Variants in ZBTB41 observed in about 807,000 individuals in gnomAD.
ZBTB41 encodes the protein zinc finger and BTB domain-containing protein 41.
A neutral mutation model predicts 87.6 loss-of-function variants in ZBTB41; 42 were observed. That is an observed-to-expected ratio of 0.48 (90% CI 0.37 to 0.62). The LOEUF is 0.62. ZBTB41 is among the 20% of genes least tolerant of loss of function. The probability of loss-of-function intolerance (pLI) is 0.00; values close to 1 mark genes in which losing one functional copy is unlikely to be tolerated. For synonymous variants in ZBTB41, 364 were observed against 364.0 expected, an observed-to-expected ratio of 1.00 and a Z score of 0.00; for missense variants, 799 against 1,078.9, an observed-to-expected ratio of 0.74 and a Z score of 3.63.
intron 8 of ZBTB41, chr1:197,175,912 A>AAAT (rs1267907218): frequency 6.6e-6 from 1 of 151,882 alleles, no homozygotes; most frequent in African/African-American, 2.4e-5. Context: ...ATTATGTTTA[A>AAAT]AATAATAATA....
At chr1:197,169,984 G>A (rs1311221836) in intron 10 of ZBTB41, among the ~76,000 whole-genome samples, 2 of 151,804 alleles carry the variant, frequency 1.3e-5, no homozygotes, top group Non-Finnish European at 2.9e-5. Context: ...AGTCATAGGA[G>A]AACATAATAA....
chr1:197,159,362 T>C lies in ZBTB41; in HGVS notation c.2727A>G (p.Ser909=). 4 of 1,612,964 alleles carry C rather than the reference T, an allele frequency of 2.5e-6. No individual in the cohort carries two copies. The highest frequency in any genetic ancestry group is 3.4e-6 in the Non-Finnish European group (4 of 1,179,094). The change falls in exon 11 of 11, where the codon TCA becomes TCG. Residue 909 remains serine, a synonymous_variant. Coordinates refer to ENST00000367405, the MANE Select transcript of ZBTB41 (RefSeq NM_194314.3). Reference sequence around the variant, plus strand: ...TCTGTGGAATGTTTAGATTTACTCATGAATGATGCTCATTCGTAGAAATAT... The same window carrying C: ...TCTGTGGAATGTTTAGATTTACTCACGAATGATGCTCATTCGTAGAAATAT... The part of the protein sequence containing the change: ...VQNISTNEHH[S]
chr1:197,167,379 G>C (rs1659373586), intron 10 of ZBTB41, among the ~76,000 whole-genome samples: 1 of 152,066 alleles, frequency 6.6e-6, no homozygotes, highest in South Asian at 2.1e-4. Flanking sequence ...AATTTTTGTA[G>C]AGAAGGGGTT....
At chr1:197,186,467 G>T (rs1343390088) in intron 5 of ZBTB41, among the ~76,000 whole-genome samples, 3 of 152,140 alleles carry the variant, frequency 2.0e-5, no homozygotes, top group Non-Finnish European at 4.4e-5. Flanking sequence ...ATGATGAAAA[G>T]TCACAGATGA....
intron 5 of ZBTB41, among the ~76,000 whole-genome samples, chr1:197,186,148 G>A: frequency 6.6e-6 from 1 of 151,798 alleles, no homozygotes; most frequent in East Asian, 1.9e-4. Context: ...CAACAGAACA[G>A]AATACAGAGC....
At chr1:197,178,543 T>C in intron 6 of ZBTB41, 31 bp from the exon 7 acceptor site, 9 of 1,510,980 alleles carry the variant, frequency 6.0e-6, no homozygotes, top group Non-Finnish European at 8.2e-6. Flanking sequence ...TCGAGATTTT[T>C]TAAATGCCTA....
At position 197,184,303 on chromosome 1, in the gene ZBTB41, G is replaced by C. The variant is rs148655756; in HGVS notation, c.1547-3186C>G. On this transcript the variant is annotated intron_variant, in intron 5 of 10. Coordinates refer to ENST00000367405, the MANE Select transcript of ZBTB41 (RefSeq NM_194314.3). ...GGCAATTTGGAGAGATTAAGCTTCA[G>C]GTAAATAATCTTCCAACATATACTA... Among the ~76,000 whole-genome samples the C allele has an allele frequency of 7.1e-3, 1,075 of 152,228 alleles. 6 individuals carry two copies. Among genetic ancestry groups the C allele is most frequent in the Admixed American group, 0.013 (205 of 15,284 alleles).
At chr1:197,160,574 C>T (rs1002613557) in intron 10 of ZBTB41, among the ~76,000 whole-genome samples, 11 of 152,070 alleles carry the variant, frequency 7.2e-5, no homozygotes, top group African/African-American at 2.7e-4. Flanking sequence ...AGTTGTTCAG[C>T]GGAAAGAACA....
intron 2 of ZBTB41, among the ~76,000 whole-genome samples, chr1:197,193,188 C>T (rs755531961): frequency 6.6e-6 from 1 of 152,062 alleles, no homozygotes; most frequent in African/African-American, 2.4e-5. Context: ...GTTAGTAACA[C>T]TTCATGGGGT....
intron 10 of ZBTB41, among the ~76,000 whole-genome samples, chr1:197,170,763 C>T (rs1571651045): frequency 6.6e-6 from 1 of 152,148 alleles, no homozygotes; most frequent in Non-Finnish European, 1.5e-5. Flanking sequence ...TCTATGGCTG[C>T]TTTCACATCA....
chr1:197,177,472 G>A (rs899586760), intron 7 of ZBTB41, among the ~76,000 whole-genome samples: 4 of 152,016 alleles, frequency 2.6e-5, no homozygotes, highest in Non-Finnish European at 4.4e-5. Context: ...TGTGAAAACA[G>A]ACTAATAGAG....
intron 5 of ZBTB41, among the ~76,000 whole-genome samples, chr1:197,186,260 C>A: frequency 2.1e-5 from 3 of 142,160 alleles, no homozygotes; most frequent in African/African-American, 2.6e-5. Context: ...GGTCCTAGTA[C>A]AAATGGATAT....
At position 197,154,671 on chromosome 1, in the gene ZBTB41, C is replaced by T. The variant is rs1228939409; in HGVS notation, c.*4688G>A. 1.3e-5 allele frequency: 2 copies of T among 152,004 alleles called. No individual in the cohort carries two copies. The highest frequency in any genetic ancestry group is 2.1e-4 in the South Asian group (1 of 4,820). 9.4% of individuals were successfully genotyped at this position (152,004 alleles called of 1,614,324 possible). Reference sequence around the variant, plus strand: ...TTTAGAGGAAATAAGGAGGGGATTCCCTCTACCCTCAAAACAAACAAACAA... The same window carrying T: ...TTTAGAGGAAATAAGGAGGGGATTCTCTCTACCCTCAAAACAAACAAACAA... On this transcript the variant is annotated 3_prime_UTR_variant, in exon 11 of 11. Coordinates refer to ENST00000367405, the MANE Select transcript of ZBTB41 (RefSeq NM_194314.3).
chr1:197,197,875 G>A (rs183648603), intron 2 of ZBTB41, among the ~76,000 whole-genome samples: 63 of 152,254 alleles, frequency 4.1e-4, no homozygotes, highest in East Asian at 1.5e-3. Context: ...GCATGTCACG[G>A]GACTAATGTT....
rs1355539037 is a variant in ZBTB41 at position 197,199,421 on chromosome 1, C to G, written c.1053G>C (p.Val351=). The G allele has an allele frequency of 1.2e-6, 2 of 1,608,422 alleles. No individual in the cohort carries two copies. The highest frequency in any genetic ancestry group is 2.2e-5 in the South Asian group (2 of 89,898). The change falls in exon 2 of 11, where the codon GTG becomes GTC. Residue 351 remains valine (V), a synonymous_variant. Transcript: ENST00000367405. The part of the protein sequence containing the change: ...VGNVHEGLTP[V]VIQNSNKKIL... ...TTTTTTTGTTGCTGTTCTGAATGAC[C>G]ACTGGAGTTAACCCCTCATGAACAT... is the stretch of plus-strand genomic sequence containing the variant.
intron 6 of ZBTB41, among the ~76,000 whole-genome samples, chr1:197,179,436 A>G (rs1442443391): frequency 6.6e-6 from 1 of 152,118 alleles, no homozygotes; most frequent in Non-Finnish European, 1.5e-5. Flanking sequence ...CCAGTACATA[A>G]TTATTGATAA....
At chr1:197,169,102 T>C (rs909701735) in intron 10 of ZBTB41, among the ~76,000 whole-genome samples, 4 of 152,036 alleles carry the variant, frequency 2.6e-5, no homozygotes, top group East Asian at 1.9e-4. Context: ...TGTGAAGCAA[T>C]TGAGATTCTC....
intron 10 of ZBTB41, among the ~76,000 whole-genome samples, chr1:197,166,018 C>G (rs1447909226): frequency 4.0e-5 from 6 of 150,692 alleles, no homozygotes; most frequent in Non-Finnish European, 8.9e-5. Context: ...GGGAGGGGAA[C>G]AGCACACACT....
In ZBTB41 at chr1:197,199,541, C is replaced by G. The variant is rs1478788539; in HGVS notation, c.933G>C (p.Glu311Asp). 2.5e-6 allele frequency: 4 copies of G among 1,608,370 alleles called. No homozygotes were observed. Among genetic ancestry groups the G allele is most frequent in the Non-Finnish European group, 3.4e-6 (4 of 1,178,250 alleles). ...EYNAEEDELE[E>D]EMSDEYSDIE... ...TGTCAGAGTACTCATCTGACATCTC[C>G]TCCTCTAGCTCATCTTCTTCAGCAT... The change falls in exon 2 of 11, where the codon GAG becomes GAC. Residue 311 changes from glutamate (E) to aspartate (D), a missense_variant. By Grantham distance (45) the Glu-to-Asp change is conservative. Transcript: ENST00000367405.
Sources: allele counts gnomAD v4.1 joint callset (sites outside exome capture counted in the v4.1 genomes callset), GRCh38; gene constraint gnomAD v4.1.1; transcripts MANE v1.5; gene names NCBI Gene and HGNC (gene_info 2026-07-23, HGNC 2026-07-21).